Variants in NKAIN2 observed in about 807,000 individuals in gnomAD.
NKAIN2 encodes sodium/potassium-transporting ATPase subunit beta-1-interacting protein 2.
NKAIN2 carries 14 observed loss-of-function variants against 32.6 expected under a neutral mutation model. That is an observed-to-expected ratio of 0.43 (90% CI 0.28 to 0.67). The LOEUF is 0.67. NKAIN2 is among the 30% of genes least tolerant of loss of function. The pLI is 0.17. For missense variants in NKAIN2, 198 were observed against 258.3 expected, an observed-to-expected ratio of 0.77 and a Z score of 1.60; for synonymous variants, 80 against 87.2, an observed-to-expected ratio of 0.92 and a Z score of 0.46.
At chr6:124,223,495 G>C (rs1019732844) in intron 1 of NKAIN2, among the ~76,000 whole-genome samples, 7 of 152,164 alleles carry the variant, frequency 4.6e-5, no homozygotes, top group Admixed American at 3.9e-4. Flanking sequence ...CCTGGACTCT[G>C]TTTTTGTTCT....
intron 1 of NKAIN2, among the ~76,000 whole-genome samples, chr6:123,900,753 A>G (rs1774543504): frequency 1.3e-5 from 2 of 152,006 alleles, no homozygotes; most frequent in Admixed American, 6.6e-5. Flanking sequence ...TCATATTTTT[A>G]TGTCAGAAGC....
intron 3 of NKAIN2, among the ~76,000 whole-genome samples, chr6:124,433,818 C>T (rs1342470397): frequency 1.3e-5 from 2 of 152,134 alleles, no homozygotes; most frequent in South Asian, 2.1e-4. Context: ...AGGAGCCTCT[C>T]CTTTCTATCC....
At chr6:124,805,149 G>T (rs1020625713) in intron 5 of NKAIN2, among the ~76,000 whole-genome samples, 22 of 152,192 alleles carry the variant, frequency 1.4e-4, no homozygotes, top group Admixed American at 5.9e-4. Context: ...GGTTCTCCCA[G>T]CACGCAGCTG....
intron 4 of NKAIN2, among the ~76,000 whole-genome samples, chr6:124,739,399 G>GTA (rs1777099172): frequency 6.6e-6 from 1 of 151,818 alleles, no homozygotes; most frequent in East Asian, 1.9e-4. Flanking sequence ...TTCTGTGTGT[G>GTA]TGTGTGTTTG....
intron 5 of NKAIN2, among the ~76,000 whole-genome samples, chr6:124,793,679 C>CAAAAA (rs60417104): frequency 7.0e-6 from 1 of 142,708 alleles, no homozygotes. Flanking sequence ...ACATACTGCT[C>CAAAAA]AAAAAAAAAA....
chr6:124,049,632 T>G (rs1782314594), intron 1 of NKAIN2, among the ~76,000 whole-genome samples: 1 of 152,068 alleles, frequency 6.6e-6, no homozygotes, highest in South Asian at 2.1e-4. Context: ...ACACTTGATA[T>G]GTTTTAAATT....
chr6:124,577,006 A>G (rs1781359118), intron 3 of NKAIN2, among the ~76,000 whole-genome samples: 1 of 152,198 alleles, frequency 6.6e-6, no homozygotes, highest in African/African-American at 2.4e-5. Context: ...GCTTTTTTGA[A>G]ACATGGGTAA....
At chr6:124,729,254 A>G (rs1192973257) in intron 4 of NKAIN2, among the ~76,000 whole-genome samples, 1 of 150,414 alleles carries the variant, frequency 6.6e-6, no homozygotes, top group Non-Finnish European at 1.5e-5. Flanking sequence ...AGACACAACA[A>G]AAAAAGAGAA....
Position 124,027,130 on chromosome 6 carries a change from A to C in NKAIN2, c.54+222876A>C, listed in dbSNP as rs552936056. 3.5e-4 allele frequency among the ~76,000 whole-genome samples: 51 copies of C among 147,414 alleles called. 1 individual carries two copies. The highest frequency in any genetic ancestry group is 6.9e-4 in the Non-Finnish European group (46 of 67,140). On this transcript the variant is annotated intron_variant, in intron 1 of 6. Coordinates refer to ENST00000368417, the MANE Select transcript of NKAIN2 (RefSeq NM_001040214.3). Reference sequence around the variant, plus strand: ...AATCACTATTACTCTCAGGGGTTTAATTATCACTCTTTTTTTTTTTTTTTT... The same window carrying C: ...AATCACTATTACTCTCAGGGGTTTACTTATCACTCTTTTTTTTTTTTTTTT...
chr6:124,364,770 A>G (rs907883251), intron 3 of NKAIN2, among the ~76,000 whole-genome samples: 1 of 152,038 alleles, frequency 6.6e-6, no homozygotes, highest in African/African-American at 2.4e-5. Flanking sequence ...AAAACACCCC[A>G]GAGAGAAAAA....
intron 3 of NKAIN2, among the ~76,000 whole-genome samples, chr6:124,546,962 A>G (rs1288466438): frequency 6.6e-6 from 1 of 152,196 alleles, no homozygotes; most frequent in Non-Finnish European, 1.5e-5. Flanking sequence ...CTGAATGTGA[A>G]GTGCACAGTC....
chr6:124,283,136 A>G lies in NKAIN2; in HGVS notation c.186A>G (p.Ile62Met), dbSNP rs1416520936. ...CTATTCAATATAGACCTCGTTACAT[A>G]ACAGGAGTAAGTACATTTTCTGCCT... ...FGTIQYRPRY[I>M]TGYAVWLVLW... Residue 62 changes from isoleucine to methionine, a missense_variant, in exon 2 of 7, where the codon ATA becomes ATG. Ile to Met is a conservative substitution (Grantham distance 10). Coordinates refer to ENST00000368417, the MANE Select transcript of NKAIN2 (RefSeq NM_001040214.3). The G allele has an allele frequency of 6.2e-7, 1 of 1,602,960 alleles. No homozygotes were observed. Among genetic ancestry groups the G allele is most frequent in the East Asian group, 2.2e-5 (1 of 44,780 alleles).
intron 1 of NKAIN2, among the ~76,000 whole-genome samples, chr6:123,951,424 A>G (rs753040452): frequency 2.0e-5 from 3 of 151,924 alleles, no homozygotes; most frequent in African/African-American, 4.8e-5. Flanking sequence ...TGTTTGCTTT[A>G]TATATCTAGG....
At chr6:124,359,779 G>A (rs1799181052) in intron 3 of NKAIN2, among the ~76,000 whole-genome samples, 1 of 152,110 alleles carries the variant, frequency 6.6e-6, no homozygotes, top group Non-Finnish European at 1.5e-5. Flanking sequence ...TCTCCTGCCT[G>A]ATTGCTCTGG....
intron 3 of NKAIN2, among the ~76,000 whole-genome samples, chr6:124,411,676 C>G (rs536349707): frequency 1.3e-5 from 2 of 152,090 alleles, no homozygotes; most frequent in African/African-American, 4.8e-5. Flanking sequence ...TTGCTCTTCT[C>G]GAGGAGTATC....
intron 1 of NKAIN2, among the ~76,000 whole-genome samples, chr6:124,256,636 C>T (rs1402132787): frequency 1.3e-5 from 2 of 152,104 alleles, no homozygotes; most frequent in Non-Finnish European, 2.9e-5. Flanking sequence ...CAGTCTTTCT[C>T]TAATGTTTCA....
At chr6:124,159,058 G>T (rs1450015217) in intron 1 of NKAIN2, among the ~76,000 whole-genome samples, 1 of 152,126 alleles carries the variant, frequency 6.6e-6, no homozygotes, top group Non-Finnish European at 1.5e-5. Context: ...AGGGCAATTA[G>T]AATGCAAGGA....
In NKAIN2 at chr6:124,466,632, C is replaced by T. The variant is rs545174114; in HGVS notation, c.273+111285C>T. 3.7e-4 allele frequency among the ~76,000 whole-genome samples: 56 copies of T among 151,450 alleles called. 1 individual carries two copies. The highest frequency in any genetic ancestry group is 5.7e-4 in the Non-Finnish European group (39 of 67,876). On this transcript the variant is annotated intron_variant, in intron 3 of 6. Coordinates refer to ENST00000368417, the MANE Select transcript of NKAIN2 (RefSeq NM_001040214.3). ...AATAGGTCTTCTCAGTGGAGACCCACGGCAACATGTAATAAGACATGTAAA... is the reference window on the plus strand; with the variant it reads ...AATAGGTCTTCTCAGTGGAGACCCATGGCAACATGTAATAAGACATGTAAA...
intron 1 of NKAIN2, among the ~76,000 whole-genome samples, chr6:123,872,525 A>T (rs538858066): frequency 1.3e-5 from 2 of 152,372 alleles, no homozygotes; most frequent in African/African-American, 4.8e-5. Context: ...CTGAAGGCAC[A>T]GCAGGTACTG....
Sources: gnomAD v4.1 joint callset for allele counts (sites outside exome capture counted in the v4.1 genomes callset) on GRCh38, gnomAD v4.1.1 for gene constraint, MANE v1.5 for transcripts, NCBI Gene and HGNC (gene_info 2026-07-23, HGNC 2026-07-21) for gene names.